The following BCR variants were observed in gnomAD, a reference collection of about 807,000 sequenced individuals.
The protein encoded by BCR is breakpoint cluster region protein.
Under a neutral mutation model 138.6 loss-of-function variants are expected in BCR, and 58 were observed. The observed-to-expected ratio is 0.42, with a 90% CI of 0.34 to 0.52. The LOEUF (loss-of-function observed/expected upper bound fraction) is 0.52. BCR is among the 20% of genes least tolerant of loss of function. BCR has a pLI of 0.06. For missense variants in BCR, 1,599 were observed against 1,727.2 expected (o/e 0.93, Z 1.32); for synonymous variants, 786 against 730.1 (o/e 1.08, Z -1.23).
intron 16 of BCR, among the ~76,000 whole-genome samples, chr22:23,301,744 T>G (rs906935329): frequency 6.6e-6 from 1 of 152,202 alleles, no homozygotes; most frequent in African/African-American, 2.4e-5. Flanking sequence ...GAGAGGGGTC[T>G]TCTTGTTCTT....
intron 1 of BCR, among the ~76,000 whole-genome samples, chr22:23,202,392 C>T (rs1298830891): frequency 1.3e-5 from 2 of 152,116 alleles, no homozygotes; most frequent in Admixed American, 1.3e-4. Context: ...CCATTTTTAG[C>T]CGCACAGCTA....
chr22:23,255,788 C>T (rs73152640), intron 2 of BCR, among the ~76,000 whole-genome samples: 4,472 of 152,342 alleles, frequency 0.029, 106 homozygotes, highest in Admixed American at 0.071. Context: ...ACCCCTGCTC[C>T]CTGCTTCTGC....
chr22:23,294,372 C>T (rs989004440), intron 15 of BCR, among the ~76,000 whole-genome samples: 5 of 152,206 alleles, frequency 3.3e-5, no homozygotes, highest in Admixed American at 3.3e-4. Flanking sequence ...AGTGAACCTG[C>T]ATCGACAGAT....
At chr22:23,206,869 A>G (rs989436045) in intron 1 of BCR, among the ~76,000 whole-genome samples, 6 of 151,210 alleles carry the variant, frequency 4.0e-5, no homozygotes, top group African/African-American at 1.5e-4. Flanking sequence ...CAGTCATACA[A>G]CCATCCATTT....
At chr22:23,240,302 CGTGTGTGTGTGT>C (rs200491524) in intron 1 of BCR, among the ~76,000 whole-genome samples, 28 of 144,120 alleles carry the variant, frequency 1.9e-4, no homozygotes, top group East Asian at 4.2e-4. Flanking sequence ...CCTGGCTGAT[CGTGTGTGTGTGT>C]GTGTGTGTGT....
At chr22:23,276,597 A>C (rs2073579323) in intron 8 of BCR, among the ~76,000 whole-genome samples, 1 of 152,140 alleles carries the variant, frequency 6.6e-6, no homozygotes, top group South Asian at 2.1e-4. Context: ...GCACCCCTTC[A>C]CTCAGAGCTT....
At chr22:23,200,199 G>T (rs896230833) in intron 1 of BCR, among the ~76,000 whole-genome samples, 1 of 152,162 alleles carries the variant, frequency 6.6e-6, no homozygotes. Flanking sequence ...CAGATATGTA[G>T]ATGTCACCGT....
chr22:23,278,854 G>A (rs1427651784), intron 8 of BCR, among the ~76,000 whole-genome samples: 1 of 152,220 alleles, frequency 6.6e-6, no homozygotes, highest in Non-Finnish European at 1.5e-5. Flanking sequence ...GGGGTTCTCA[G>A]CTCCACTGGA....
chr22:23,274,907 CAAAAAAAAAAAAAA>C (rs758602402), intron 8 of BCR, among the ~76,000 whole-genome samples: 9 of 84,020 alleles, frequency 1.1e-4, no homozygotes, highest in East Asian at 1.3e-3. Flanking sequence ...AACTCCATCT[CAAAAAAAAAAAAAA>C]AAAAAAAAAA....
chr22:23,294,556 A>C (rs927406177), intron 15 of BCR, among the ~76,000 whole-genome samples: 9 of 152,090 alleles, frequency 5.9e-5, no homozygotes, highest in Non-Finnish European at 1.0e-4. Flanking sequence ...ATGCACCACC[A>C]CGCCATACTA....
intron 1 of BCR, among the ~76,000 whole-genome samples, chr22:23,196,770 C>T (rs1418703927): frequency 1.3e-5 from 2 of 152,172 alleles, no homozygotes; most frequent in Admixed American, 6.5e-5. Flanking sequence ...TCTAATACTG[C>T]TGCCGGCCTG....
At chr22:23,213,560 C>T (rs2072712119) in intron 1 of BCR, among the ~76,000 whole-genome samples, 1 of 152,274 alleles carries the variant, frequency 6.6e-6, no homozygotes, top group East Asian at 1.9e-4. Flanking sequence ...TGGTGGCTCA[C>T]GCCTGTAATC....
In BCR at chr22:23,180,782, C is replaced by T. The variant is rs1234128317; in HGVS notation, c.-179C>T. 3.7e-5 allele frequency: 7 copies of T among 190,484 alleles called. No individual in the cohort carries two copies. The highest frequency in any genetic ancestry group is 5.6e-5 in the Non-Finnish European group (6 of 107,136). 11.8% of individuals were successfully genotyped at this position (190,484 alleles called of 1,614,324 possible). On this transcript the variant is annotated 5_prime_UTR_variant, in exon 1 of 23. Coordinates refer to ENST00000305877, the MANE Select transcript of BCR (RefSeq NM_004327.4). ...CCCCGGCGCGCCCCGCCCCGCGCGC[C>T]GAGCGCCCCGCTCCGCCTCACCTGC...
intron 1 of BCR, among the ~76,000 whole-genome samples, chr22:23,233,145 G>C (rs1489698632): frequency 2.6e-5 from 4 of 152,202 alleles, no homozygotes; most frequent in African/African-American, 9.7e-5. Context: ...TCTCCAGGCA[G>C]AGCCTATACA....
At chr22:23,250,958 C>T (rs2073219436) in intron 1 of BCR, 1 of 152,230 alleles carries the variant, frequency 6.6e-6, no homozygotes, top group South Asian at 2.1e-4. Context: ...TCACTTCCCC[C>T]ACCCAAAGGC....
chr22:23,315,654 C>G lies in BCR; in HGVS notation c.*132C>G. On this transcript the variant is annotated 3_prime_UTR_variant, in exon 23 of 23. Coordinates refer to ENST00000305877, the MANE Select transcript of BCR (RefSeq NM_004327.4). ...AAGTGTTGGGCCATCTGCCAAGAGA[C>G]AGCGACCCAAAGCCGAAGGACAGGT... The G allele has an allele frequency of 1.2e-6, 1 of 869,178 alleles. No homozygotes were observed. Among genetic ancestry groups the G allele is most frequent in the Non-Finnish European group, 1.9e-6 (1 of 530,084 alleles). 53.8% of individuals were successfully genotyped at this position (869,178 alleles called of 1,614,324 possible). A position where few individuals can be genotyped will look rare whatever the true frequency, so the allele number is the denominator to read the frequency against.
At chr22:23,304,040 C>T (rs1339771850) in intron 16 of BCR, among the ~76,000 whole-genome samples, 1 of 145,906 alleles carries the variant, frequency 6.9e-6, no homozygotes, top group Non-Finnish European at 1.5e-5. Context: ...CTCAAGTGCT[C>T]TTCCTACCTT....
At chr22:23,297,238 C>T (rs71316797) in intron 16 of BCR, among the ~76,000 whole-genome samples, 29,132 of 101,338 alleles carry the variant, frequency 0.29, 3,788 homozygotes, top group African/African-American at 0.35. Flanking sequence ...TTTTTTTTTT[C>T]GAGACAGAGT....
intron 1 of BCR, among the ~76,000 whole-genome samples, chr22:23,231,206 C>G (rs2072954594): frequency 6.6e-6 from 1 of 152,074 alleles, no homozygotes; most frequent in South Asian, 2.1e-4. Flanking sequence ...ATAGGGACAC[C>G]TGGGTGCCTT....
Sources: allele counts gnomAD v4.1 joint callset (sites outside exome capture counted in the v4.1 genomes callset), GRCh38; gene constraint gnomAD v4.1.1; transcripts MANE v1.5; gene names NCBI Gene and HGNC (gene_info 2026-07-23, HGNC 2026-07-21).